The following NEURL1 variants were observed in gnomAD, a reference collection of about 807,000 sequenced individuals.
NEURL1 encodes neuralized E3 ubiquitin protein ligase 1.
Under a neutral mutation model 41.2 loss-of-function variants are expected in NEURL1, and 26 were observed. The observed-to-expected ratio is 0.63, with a 90% CI of 0.46 to 0.87. NEURL1 has a LOEUF of 0.87. Ranked by LOEUF, NEURL1 falls within the 40% of genes least tolerant of loss-of-function variation. The pLI, the probability that NEURL1 is intolerant of heterozygous loss-of-function variation, is 0.00. For missense variants in NEURL1, 761 were observed against 871.1 expected, an observed-to-expected ratio of 0.87 and a Z score of 1.59; for synonymous variants, 400 against 402.3, an observed-to-expected ratio of 0.99 and a Z score of 0.07.
chr10:103,571,060 G>A lies in NEURL1; in HGVS notation c.274G>A (p.Ala92Thr). ...AVKRQASFCN[A>T]ITFSNRPVLI... is the part of the protein sequence containing the mutation. ...CAAGAGGCAGGCCAGCTTCTGCAAC[G>A]CCATCACCTTCAGCAACCGCCCGGT... Residue 92 changes from alanine to threonine, a missense_variant, in exon 2 of 6, where the codon GCC becomes ACC. Physicochemically the swap from Ala to Thr is moderately conservative, Grantham distance 58. Around this residue, in one of 5 missense-constraint regions of NEURL1, gnomAD observed 65 missense variants for 131.6 expected, o/e 0.49. Coordinates refer to ENST00000369780, the MANE Select transcript of NEURL1 (RefSeq NM_004210.5). The A allele has an allele frequency of 6.2e-7, 1 of 1,613,854 alleles. No individual in the cohort carries two copies. The highest frequency in any genetic ancestry group is 8.5e-7 in the Non-Finnish European group (1 of 1,180,000).
rs1369788919 is a variant in NEURL1, at chr10:103,590,120, C to T, written c.1487-14C>T. On this transcript the variant is annotated splice_polypyrimidine_tract_variant and intron_variant, in intron 5 of 5. Coordinates refer to ENST00000369780, the MANE Select transcript of NEURL1 (RefSeq NM_004210.5). ...GGCCATGTCTCCTCCTGACTGGTGC[C>T]CCCTTGTCCTCAGGGACAGCCCCCA... 6 of 1,612,084 alleles carry T rather than the reference C, an allele frequency of 3.7e-6. No individual in the cohort carries two copies. Among genetic ancestry groups the T allele is most frequent in the Non-Finnish European group, 5.1e-6 (6 of 1,179,506 alleles).
chr10:103,559,559 G>A (rs192909154), intron 1 of NEURL1, among the ~76,000 whole-genome samples: 3 of 152,244 alleles, frequency 2.0e-5, no homozygotes, highest in Admixed American at 6.5e-5. Flanking sequence ...AAGGGAAGGC[G>A]GAGCAGGTGT....
intron 1 of NEURL1, among the ~76,000 whole-genome samples, chr10:103,511,280 C>T (rs1233721360): frequency 1.3e-5 from 2 of 152,226 alleles, no homozygotes; most frequent in African/African-American, 4.8e-5. Flanking sequence ...AGCTCTGGGT[C>T]TGCAGGGACC....
chr10:103,555,891 T>C (rs1382353090), intron 1 of NEURL1, among the ~76,000 whole-genome samples: 1 of 152,188 alleles, frequency 6.6e-6, no homozygotes, highest in Non-Finnish European at 1.5e-5. Flanking sequence ...TGTTCTATGC[T>C]GGAGCCCCGC....
At chr10:103,564,027 C>T (rs1187572518) in intron 1 of NEURL1, among the ~76,000 whole-genome samples, 1 of 152,174 alleles carries the variant, frequency 6.6e-6, no homozygotes, top group Non-Finnish European at 1.5e-5. Flanking sequence ...TCCTTGGCAG[C>T]CCAGCTGAGC....
Position 103,584,596 on chromosome 10 carries a change from C to A in NEURL1, c.710C>A (p.Pro237Gln). The change falls in exon 4 of 6, where the codon CCG (proline) becomes CAG (glutamine). Residue 237 changes from proline to glutamine, a missense_variant. By Grantham distance (76) the Pro-to-Gln change is moderately conservative. This residue lies in a region of NEURL1 where 114 missense variants were observed against 144.8 expected (regional missense o/e 0.79). Coordinates refer to ENST00000369780, the MANE Select transcript of NEURL1 (RefSeq NM_004210.5). Reference protein sequence around the residue: ...RPRSFTALRRPSLRREADDAR... With the variant: ...RPRSFTALRRQSLRREADDAR... ...CGCTCCTTCACCGCCCTGCGGCGGC[C>A]GTCGCTGCGGCGCGAGGCGGACGAC... is the stretch of plus-strand genomic sequence containing the variant. 7.1e-7 allele frequency: 1 copy of A among 1,414,246 alleles called. No homozygotes were observed. The highest frequency in any genetic ancestry group is 9.2e-7 in the Non-Finnish European group (1 of 1,089,858). The allele number at this position is 1,414,246 out of a possible 1,614,324, so 87.6% of individuals were successfully genotyped here. A position where few individuals can be genotyped will look rare whatever the true frequency, so the allele number is the denominator to read the frequency against.
At position 103,592,126 on chromosome 10, in the gene NEURL1, C is replaced by T. The variant is rs1364744307; in HGVS notation, c.*1754C>T. 4 of 152,284 alleles carry T rather than the reference C, an allele frequency of 2.6e-5. No individual in the cohort carries two copies. The highest frequency in any genetic ancestry group is 5.9e-5 in the Non-Finnish European group (4 of 68,084). 9.4% of individuals were successfully genotyped at this position (152,284 alleles called of 1,614,324 possible). A position where few individuals can be genotyped will look rare whatever the true frequency, so the allele number is the denominator to read the frequency against. On this transcript the variant is annotated 3_prime_UTR_variant, in exon 6 of 6. Coordinates refer to ENST00000369780, the MANE Select transcript of NEURL1 (RefSeq NM_004210.5). This position sits in a 1 kb window ranked among gnomAD's most constrained non-coding sequence, Gnocchi z 4.8. ...CATGGGTTTTAGTCCTGGCCACTGA[C>T]CAGCTGTGTGGCCCTGGCCGAGTCG...
Sources: allele counts gnomAD v4.1 joint callset (sites outside exome capture counted in the v4.1 genomes callset), GRCh38; gene constraint gnomAD v4.1.1; regional missense constraint gnomAD v4.1.1; non-coding constraint Gnocchi (gnomAD v3.1); transcripts MANE v1.5; gene names NCBI Gene and HGNC (gene_info 2026-07-23, HGNC 2026-07-21).